WWOX: variants seen among roughly 807,000 people sequenced by gnomAD.
WWOX encodes WW domain containing oxidoreductase, also known as WW domain-containing oxidoreductase.
A neutral mutation model predicts 46.2 loss-of-function variants in WWOX; 69 were observed. That is an observed-to-expected ratio of 1.49 (90% CI 1.23 to 1.82). The LOEUF (loss-of-function observed/expected upper bound fraction) is 1.82, where lower values mean the gene tolerates loss of function less well. Among genes scored for constraint, WWOX ranks in the 40% most tolerant of loss-of-function variants. The pLI is 0.00. For synonymous variants in WWOX, 359 were observed against 202.6 expected (o/e 1.77, Z -6.56); for missense variants, 919 against 542.6 (o/e 1.69, Z -6.89).
At chr16:78,475,579 T>A (rs1289965048) in intron 8 of WWOX, among the ~76,000 whole-genome samples, 2 of 152,172 alleles carry the variant, frequency 1.3e-5, no homozygotes, top group Non-Finnish European at 2.9e-5. Context: ...GTACTCACTC[T>A]ACTTTTTTAG....
At chr16:78,202,027 C>A (rs181846317) in intron 5 of WWOX, among the ~76,000 whole-genome samples, 1 of 152,102 alleles carries the variant, frequency 6.6e-6, no homozygotes, top group East Asian at 1.9e-4. Context: ...TTGATTTTTC[C>A]TCTTTAAACT....
intron 1 of WWOX, among the ~76,000 whole-genome samples, chr16:78,106,204 A>G (rs965402753): frequency 6.6e-6 from 1 of 152,182 alleles, no homozygotes; most frequent in Non-Finnish European, 1.5e-5. Flanking sequence ...GGCAAGGAAA[A>G]TGCAAGTCCA....
At chr16:79,187,411 G>C (rs187911724) in intron 8 of WWOX, among the ~76,000 whole-genome samples, 1 of 152,222 alleles carries the variant, frequency 6.6e-6, no homozygotes, top group African/African-American at 2.4e-5. Flanking sequence ...TTGTTCTGTT[G>C]TGTTTTTGAG....
chr16:78,201,897 T>G (rs751828902), intron 5 of WWOX, among the ~76,000 whole-genome samples: 1 of 151,842 alleles, frequency 6.6e-6, no homozygotes, highest in African/African-American at 2.4e-5. Context: ...GACGGGATTT[T>G]GCTATGTTGC....
intron 8 of WWOX, among the ~76,000 whole-genome samples, chr16:78,914,635 T>G (rs895984337): frequency 6.6e-5 from 10 of 151,736 alleles, no homozygotes; most frequent in Non-Finnish European, 1.3e-4. Context: ...ATCCCAGCAC[T>G]TTGGGAGGCG....
At chr16:78,765,427 C>G (rs576617059) in intron 8 of WWOX, among the ~76,000 whole-genome samples, 18 of 152,230 alleles carry the variant, frequency 1.2e-4, no homozygotes, top group Non-Finnish European at 2.6e-4. Flanking sequence ...ACTTATAATC[C>G]CAGCACTTTG....
chr16:78,986,208 G>A (rs948848002), intron 8 of WWOX, among the ~76,000 whole-genome samples: 30 of 152,114 alleles, frequency 2.0e-4, no homozygotes, highest in African/African-American at 4.8e-4. Context: ...TATGCAGCGC[G>A]CTTGCAATTT....
intron 7 of WWOX, among the ~76,000 whole-genome samples, chr16:78,431,220 C>A (rs374877852): frequency 6.6e-6 from 1 of 152,214 alleles, no homozygotes; most frequent in Non-Finnish European, 1.5e-5. Flanking sequence ...CAACTAGTTA[C>A]GTTGATTTGT....
At chr16:78,380,001 A>T (rs2081920331) in intron 5 of WWOX, among the ~76,000 whole-genome samples, 1 of 152,228 alleles carries the variant, frequency 6.6e-6, no homozygotes, top group Non-Finnish European at 1.5e-5. Context: ...GTTAATGAGT[A>T]CATGAATTTA....
At chr16:78,685,592 A>G (rs1300358892) in intron 8 of WWOX, among the ~76,000 whole-genome samples, 2 of 152,248 alleles carry the variant, frequency 1.3e-5, no homozygotes, top group African/African-American at 2.4e-5. Context: ...CAGTACGTAC[A>G]TAACTGTTCT....
rs553229937 is a variant in WWOX, at chr16:78,288,182, A to C, written c.517-98678A>C. On this transcript the variant is annotated intron_variant, in intron 5 of 8. Transcript: ENST00000566780. ...TAAATGAAAAACGGAAACACTTTTA[A>C]ATTTTTATTTAATATGGCCGGTGAA... 6.6e-5 allele frequency among the ~76,000 whole-genome samples: 10 copies of C among 152,152 alleles called. No homozygotes were observed. In the East Asian group the frequency reaches 1.9e-3, roughly 29 times the overall value.
At chr16:78,331,788 C>T (rs541260425) in intron 5 of WWOX, among the ~76,000 whole-genome samples, 3 of 152,246 alleles carry the variant, frequency 2.0e-5, no homozygotes, top group African/African-American at 7.2e-5. Context: ...CAGTTGTGTG[C>T]CTGCTTTGTG....
intron 8 of WWOX, among the ~76,000 whole-genome samples, chr16:78,807,891 T>C (rs1340286432): frequency 2.0e-5 from 3 of 152,258 alleles, no homozygotes; most frequent in Non-Finnish European, 2.9e-5. Flanking sequence ...AAGTGCTCAG[T>C]AGCTACATGT....
chr16:79,133,368 T>A (rs1196743446), intron 8 of WWOX, among the ~76,000 whole-genome samples: 1 of 152,208 alleles, frequency 6.6e-6, no homozygotes, highest in African/African-American at 2.4e-5. Context: ...GAACCCAATA[T>A]CAGTTCCTTA....
intron 8 of WWOX, chr16:79,004,696 T>A (rs1438067265): frequency 6.6e-6 from 1 of 152,204 alleles, no homozygotes; most frequent in Non-Finnish European, 1.5e-5. Flanking sequence ...ATTCTGGGCG[T>A]TTCACGGGAA....
At chr16:78,936,876 T>G (rs62035965) in intron 8 of WWOX, among the ~76,000 whole-genome samples, 25,711 of 152,162 alleles carry the variant, frequency 0.17, 2,643 homozygotes, top group Non-Finnish European at 0.23. Flanking sequence ...CTTGAAGTAT[T>G]ACAGGGTGTC....
At chr16:79,064,036 C>G (rs1334897813) in intron 8 of WWOX, among the ~76,000 whole-genome samples, 1 of 152,200 alleles carries the variant, frequency 6.6e-6, no homozygotes, top group Non-Finnish European at 1.5e-5. Flanking sequence ...ATTTTAGAAG[C>G]CTCAGAAGTG....
chr16:78,419,845 A>G (rs2082881922), intron 6 of WWOX, among the ~76,000 whole-genome samples: 1 of 152,120 alleles, frequency 6.6e-6, no homozygotes, highest in African/African-American at 2.4e-5. Context: ...CCATCACGAA[A>G]GTGTACAGAT....
intron 5 of WWOX, chr16:78,264,439 A>T (rs1249644294): frequency 6.6e-6 from 1 of 152,114 alleles, no homozygotes. Flanking sequence ...TAATCTTGGA[A>T]GTGGCATATC....
Sources: gnomAD v4.1 joint callset for allele counts (sites outside exome capture counted in the v4.1 genomes callset) on GRCh38, gnomAD v4.1.1 for gene constraint, MANE v1.5 for transcripts, NCBI Gene and HGNC (gene_info 2026-07-23, HGNC 2026-07-21) for gene names.